ADD2: variants seen among roughly 807,000 people sequenced by gnomAD.
ADD2 encodes the protein adducin 2.
In ADD2, 23 loss-of-function variants were observed where a neutral mutation model predicts 83.0. The ratio of observed to expected loss-of-function variants is 0.28; its 90% CI spans 0.20 to 0.39. The LOEUF (loss-of-function observed/expected upper bound fraction) is 0.39. ADD2 is among the 10% of genes least tolerant of loss of function. ADD2 has a pLI of 1.00. For synonymous variants in ADD2, 375 were observed against 375.4 expected, an observed-to-expected ratio of 1.00 and a Z score of 0.01; for missense variants, 758 against 944.9, an observed-to-expected ratio of 0.80 and a Z score of 2.59.
chr2:70,713,163 A>G lies in ADD2; in HGVS notation c.-132T>C. 3 of 985,582 alleles carry G rather than the reference A, an allele frequency of 3.0e-6. No homozygotes were observed. The highest frequency in any genetic ancestry group is 3.6e-6 in the Non-Finnish European group (3 of 830,076). The allele number at this position is 985,582 out of a possible 1,614,324, so 61.1% of individuals were successfully genotyped here. A position where few individuals can be genotyped will look rare whatever the true frequency, so the allele number is the denominator to read the frequency against. On this transcript the variant is annotated 5_prime_UTR_variant, in exon 2 of 16. Transcript: ENST00000264436. ...CAAGGGTGCCGGCCACATCTACACAACCTCAAACATCCAGGTGGAAACTGC... is the reference window on the plus strand; with the variant it reads ...CAAGGGTGCCGGCCACATCTACACAGCCTCAAACATCCAGGTGGAAACTGC...
At chr2:70,686,953 A>G (rs1574242393) in intron 9 of ADD2, among the ~76,000 whole-genome samples, 2 of 152,304 alleles carry the variant, frequency 1.3e-5, no homozygotes, top group Admixed American at 6.5e-5. Flanking sequence ...AGTGCCTCCA[A>G]GAGAAAGACC....
chr2:70,674,706 CTCTT>C lies in ADD2; in HGVS notation c.1709_1712del (p.Lys570ArgfsTer7). ...CAAGTTCTAGTTTCTTCCTCTCCAC[CTCTT>C]TCTTGTACTCCTCCAACTCCTGGTC... On this transcript the variant is annotated frameshift_variant, in exon 14 of 16. Coordinates refer to ENST00000264436, the MANE Select transcript of ADD2 (RefSeq NM_001617.4). LOFTEE classifies it high-confidence loss of function. The C allele has an allele frequency of 6.2e-7, 1 of 1,613,988 alleles. No individual in the cohort carries two copies. Among genetic ancestry groups the C allele is most frequent in the Non-Finnish European group, 8.5e-7 (1 of 1,179,960 alleles).
intron 7 of ADD2, 36 bp downstream of exon 7, chr2:70,692,367 G>T (rs373926721): frequency 6.0e-6 from 9 of 1,502,576 alleles, no homozygotes; most frequent in South Asian, 1.4e-5. Context: ...GCAGCCTTAC[G>T]TCTTTCCTTG....
intron 1 of ADD2, among the ~76,000 whole-genome samples, chr2:70,764,739 A>T (rs1675293900): frequency 6.6e-6 from 1 of 151,798 alleles, no homozygotes; most frequent in South Asian, 2.1e-4. Flanking sequence ...AACTATGATC[A>T]TGCCACTGCA....
chr2:70,689,217 G>T (rs7562539), intron 8 of ADD2, among the ~76,000 whole-genome samples: 10 of 152,312 alleles, frequency 6.6e-5, no homozygotes, highest in Admixed American at 6.5e-4. Flanking sequence ...GAGTAAAAGT[G>T]GGGGAACCCA....
chr2:70,722,865 C>T (rs538861979), intron 1 of ADD2, among the ~76,000 whole-genome samples: 1 of 152,292 alleles, frequency 6.6e-6, no homozygotes, highest in Admixed American at 6.5e-5. Flanking sequence ...ACCACAAGGG[C>T]TTTTGTTCTC....
At chr2:70,724,609 T>C (rs938977551) in intron 1 of ADD2, among the ~76,000 whole-genome samples, 3 of 152,234 alleles carry the variant, frequency 2.0e-5, no homozygotes, top group Non-Finnish European at 4.4e-5. Flanking sequence ...CTTGTGGCTC[T>C]AGGCCCCCCT....
chr2:70,741,261 T>C (rs782797625), intron 1 of ADD2: 1 of 152,204 alleles, frequency 6.6e-6, no homozygotes, highest in Non-Finnish European at 1.5e-5. Flanking sequence ...CCTGTAACAG[T>C]GAATGATCAA....
intron 2 of ADD2, among the ~76,000 whole-genome samples, chr2:70,710,403 C>A (rs1179620029): frequency 6.6e-6 from 1 of 152,204 alleles, no homozygotes; most frequent in Non-Finnish European, 1.5e-5. Flanking sequence ...AACCAAGAAG[C>A]TCTGGGCCTG....
At chr2:70,665,873 T>C (rs1675776375) in intron 15 of ADD2, among the ~76,000 whole-genome samples, 1 of 150,180 alleles carries the variant, frequency 6.7e-6, no homozygotes. Context: ...TGGAGTGCAA[T>C]GGTGGAATCT....
intron 15 of ADD2, 25 bp downstream of exon 15, chr2:70,672,853 T>G (rs1553367365): frequency 1.3e-6 from 2 of 1,599,064 alleles, no homozygotes; most frequent in South Asian, 2.3e-5. Flanking sequence ...TCTCCCTCCC[T>G]CCCAGCCTAC....
rs529885907 is a variant in ADD2, at chr2:70,726,728, T to C, written c.-153-13544A>G. Among the ~76,000 whole-genome samples, 5 of 152,344 alleles carry C rather than the reference T, an allele frequency of 3.3e-5. No homozygotes were observed. In the East Asian group the frequency reaches 9.6e-4, roughly 29 times the overall value. ...TCACCTCTAATGTAGCCCGTGCTCT[T>C]CTGAGAAGCTCATTTTGGTAGACAA... On this transcript the variant is annotated intron_variant, in intron 1 of 15. Transcript: ENST00000264436.
At chr2:70,679,527 CCT>C (rs1670353043) in intron 10 of ADD2, among the ~76,000 whole-genome samples, 1 of 152,182 alleles carries the variant, frequency 6.6e-6, no homozygotes, top group Non-Finnish European at 1.5e-5. Context: ...GGCCACATCC[CCT>C]CAAAGCTGGA....
chr2:70,748,824 T>C (rs1352573973), intron 1 of ADD2, among the ~76,000 whole-genome samples: 4 of 152,158 alleles, frequency 2.6e-5, no homozygotes, highest in African/African-American at 9.7e-5. Context: ...TATTGCACAT[T>C]AAAGAAAATG....
At chr2:70,756,189 A>G (rs1325480226) in intron 1 of ADD2, among the ~76,000 whole-genome samples, 1 of 152,060 alleles carries the variant, frequency 6.6e-6, no homozygotes, top group Non-Finnish European at 1.5e-5. Flanking sequence ...CCCAACATAC[A>G]GCGGTCCCCA....
intron 6 of ADD2, among the ~76,000 whole-genome samples, chr2:70,693,175 A>G (rs552095064): frequency 7.2e-5 from 11 of 152,298 alleles, no homozygotes; most frequent in African/African-American, 2.6e-4. Context: ...GTGTCCTGAA[A>G]GCCCACAATC....
intron 15 of ADD2, among the ~76,000 whole-genome samples, chr2:70,664,809 T>G (rs1384490248): frequency 1.3e-5 from 2 of 151,636 alleles, no homozygotes; most frequent in African/African-American, 4.8e-5. Context: ...GTGTGTAAGT[T>G]TGAGTATGCA....
rs1203924738 is a variant in ADD2, at chr2:70,658,612, T to C, written c.*4813A>G. ...GCTTAAATTTAGCCTCTCCCTCATT[T>C]CTTTTCAGACTCTTTGAGTGCTAAG... On this transcript the variant is annotated 3_prime_UTR_variant, in exon 16 of 16. Transcript: ENST00000264436. 2 of 152,168 alleles carry C rather than the reference T, an allele frequency of 1.3e-5. No homozygotes were observed. The highest frequency in any genetic ancestry group is 2.9e-5 in the Non-Finnish European group (2 of 68,014). The allele number at this position is 152,168 out of a possible 1,614,324, so 9.4% of individuals were successfully genotyped here. A position where few individuals can be genotyped will look rare whatever the true frequency, so the allele number is the denominator to read the frequency against.
intron 1 of ADD2, among the ~76,000 whole-genome samples, chr2:70,754,663 G>A (rs148195093): frequency 3.3e-5 from 5 of 152,042 alleles, no homozygotes; most frequent in East Asian, 1.9e-4. Flanking sequence ...TGATCCACCC[G>A]ACACCCACCA....
Sources: gnomAD v4.1 joint callset for allele counts (sites outside exome capture counted in the v4.1 genomes callset) on GRCh38, gnomAD v4.1.1 for gene constraint, MANE v1.5 for transcripts, NCBI Gene and HGNC (gene_info 2026-07-23, HGNC 2026-07-21) for gene names.